Variants in DCDC1 observed in about 807,000 individuals in gnomAD.
DCDC1 encodes the protein doublecortin domain containing 1.
Under a neutral mutation model 178.3 loss-of-function variants are expected in DCDC1, and 200 were observed. The observed-to-expected ratio is 1.12, with a 90% CI of 1.00 to 1.26. DCDC1 has a LOEUF of 1.26. DCDC1 is among the 50% of genes most tolerant of loss of function. The probability of loss-of-function intolerance (pLI) is 0.00; values close to 1 mark genes in which losing one functional copy is unlikely to be tolerated. For missense variants in DCDC1, 1,983 were observed against 1,749.2 expected (o/e 1.13, Z -2.38); for synonymous variants, 690 against 604.8 (o/e 1.14, Z -2.07).
At chr11:31,138,780 T>A (rs947315626) in intron 9 of DCDC1, among the ~76,000 whole-genome samples, 4 of 152,200 alleles carry the variant, frequency 2.6e-5, no homozygotes, top group Admixed American at 2.0e-4. Flanking sequence ...ATATTTGGCA[T>A]AAAATAGAGG....
rs770563379 is a variant in DCDC1, at chr11:31,102,274, A to C, written c.1886T>G (p.Val629Gly). 1 of 702,858 alleles carries C rather than the reference A, an allele frequency of 1.4e-6. No homozygotes were observed. The highest frequency in any genetic ancestry group is 2.6e-6 in the Non-Finnish European group (1 of 379,050). 43.5% of individuals were successfully genotyped at this position (702,858 alleles called of 1,614,324 possible). A position where few individuals can be genotyped will look rare whatever the true frequency, so the allele number is the denominator to read the frequency against. ...GAAATTAATTGGAAATCCCTCACAA[A>C]CTTCCCAACTAAGAAAAGTAAAATA... Reference protein sequence around the residue: ...VLLPGCGNWEVCEGFPINFNC... With the variant: ...VLLPGCGNWEGCEGFPINFNC... Residue 629 changes from valine (V) to glycine (G), a missense_variant, in exon 15 of 39, where the codon GTT becomes GGT. By Grantham distance (109) the Val-to-Gly change is moderately radical (BLOSUM62 -3). Coordinates refer to ENST00000684477, the MANE Select transcript of DCDC1 (RefSeq NM_001387274.1).
At chr11:31,123,474 G>T (rs1961108417) in intron 11 of DCDC1, among the ~76,000 whole-genome samples, 1 of 151,816 alleles carries the variant, frequency 6.6e-6, no homozygotes, top group African/African-American at 2.4e-5. Context: ...GTGCCTCCAA[G>T]CTGGTAGAAG....
chr11:31,047,200 T>C (rs1954897268), intron 20 of DCDC1, among the ~76,000 whole-genome samples: 1 of 152,186 alleles, frequency 6.6e-6, no homozygotes, highest in Non-Finnish European at 1.5e-5. Context: ...ATTGGAAACC[T>C]CTTAAAGTCC....
At chr11:30,960,706 T>C (rs751629716) in intron 20 of DCDC1, among the ~76,000 whole-genome samples, 3 of 152,116 alleles carry the variant, frequency 2.0e-5, no homozygotes, top group African/African-American at 4.8e-5. Context: ...TCTTGAACAA[T>C]TGGTATTTCT....
intron 6 of DCDC1, among the ~76,000 whole-genome samples, chr11:31,291,747 TGA>T (rs989918820): frequency 2.0e-5 from 3 of 152,132 alleles, no homozygotes; most frequent in Non-Finnish European, 2.9e-5. Context: ...TTATTTGTTC[TGA>T]GAGAAACATA....
At chr11:31,226,321 G>A (rs1187797587) in intron 9 of DCDC1, among the ~76,000 whole-genome samples, 5 of 151,916 alleles carry the variant, frequency 3.3e-5, no homozygotes, top group Non-Finnish European at 7.4e-5. Flanking sequence ...CTAATATTGT[G>A]TAACTAGAGT....
intron 9 of DCDC1, among the ~76,000 whole-genome samples, chr11:31,144,289 C>T (rs1175984102): frequency 6.6e-6 from 1 of 152,036 alleles, no homozygotes; most frequent in Admixed American, 6.6e-5. Context: ...CGCGTGCCAC[C>T]ACGCCTGGCT....
Position 30,922,755 on chromosome 11 carries a change from T to A in DCDC1, c.2998-117A>T, listed in dbSNP as rs181324702. 306 of 1,039,244 alleles carry A rather than the reference T, an allele frequency of 2.9e-4. 1 individual carries two copies. In the African/African-American group the frequency reaches 4.2e-3, roughly 14 times the overall value. The allele number at this position is 1,039,244 out of a possible 1,614,324, so 64.4% of individuals were successfully genotyped here. ...ATGTCCTATTAATATAATAGGTGAA[T>A]GATTAAAGAAAACTGTGTACCACTC... On this transcript the variant is annotated intron_variant, in intron 23 of 38. Transcript: ENST00000684477.
intron 7 of DCDC1, among the ~76,000 whole-genome samples, chr11:31,273,044 A>G (rs960580981): frequency 1.7e-4 from 26 of 152,272 alleles, no homozygotes; most frequent in African/African-American, 6.3e-4. Context: ...CTAGACTGCA[A>G]TGTAGTATGG....
rs186872658 is a variant in DCDC1, at chr11:31,273,574, T to G, written c.961-7974A>C. 2.1e-3 allele frequency among the ~76,000 whole-genome samples: 321 copies of G among 152,318 alleles called. 4 individuals are homozygous for G. Among genetic ancestry groups the G allele is most frequent in the Admixed American group, 0.02 (301 of 15,294 alleles). On this transcript the variant is annotated intron_variant, in intron 7 of 38. Coordinates refer to ENST00000684477, the MANE Select transcript of DCDC1 (RefSeq NM_001387274.1). Reference sequence around the variant, plus strand: ...AGTATCAGCATTTTGGTCAAAGCCATTCAACAAGTCTCTAGGGAGCTCCAA... The same window carrying G: ...AGTATCAGCATTTTGGTCAAAGCCAGTCAACAAGTCTCTAGGGAGCTCCAA...
At chr11:31,238,988 G>A (rs1469906054) in intron 9 of DCDC1, among the ~76,000 whole-genome samples, 1 of 151,938 alleles carries the variant, frequency 6.6e-6, no homozygotes, top group African/African-American at 2.4e-5. Context: ...TTCTTTTAAA[G>A]CTATATTATC....
At chr11:30,984,801 T>C (rs1950560216) in intron 20 of DCDC1, among the ~76,000 whole-genome samples, 1 of 152,080 alleles carries the variant, frequency 6.6e-6, no homozygotes, top group Non-Finnish European at 1.5e-5. Context: ...AATTGGCACC[T>C]CCCAAATGAC....
At position 30,894,286 on chromosome 11, in the gene DCDC1, G is replaced by T; in HGVS notation, c.4864C>A (p.Gln1622Lys). Reference protein sequence around the residue: ...VEGGWTEQTQQEIKLMELIRH... With the variant: ...VEGGWTEQTQKEIKLMELIRH... ...ATAAGTTCCATGAGTTTAATTTCCT[G>T]TTGAGTCTGTTCGGTCCAGCCTCCT... Residue 1622 changes from glutamine (Q) to lysine (K), a missense_variant, in exon 35 of 39, where the codon CAG (glutamine) becomes AAG (lysine). Physicochemically the swap from Gln to Lys is moderately conservative, Grantham distance 53. Coordinates refer to ENST00000684477, the MANE Select transcript of DCDC1 (RefSeq NM_001387274.1). The T allele has an allele frequency of 6.2e-7, 1 of 1,613,758 alleles. No homozygotes were observed. The highest frequency in any genetic ancestry group is 8.5e-7 in the Non-Finnish European group (1 of 1,179,776).
intron 26 of DCDC1, 104 bp downstream of exon 26, chr11:30,916,766 C>G: frequency 8.2e-7 from 1 of 1,215,522 alleles, no homozygotes; most frequent in Non-Finnish European, 1.1e-6. Context: ...TTGATAGAAA[C>G]AGCAGCTAAC....
chr11:30,947,109 AAAT>A (rs1948099964), intron 21 of DCDC1, among the ~76,000 whole-genome samples: 1 of 152,234 alleles, frequency 6.6e-6, no homozygotes. Flanking sequence ...CTTGGAGTTT[AAAT>A]AATATTAGAC....
chr11:31,305,561 C>A, intron 6 of DCDC1, 54 bp downstream of exon 6: 1 of 1,553,634 alleles, frequency 6.4e-7, no homozygotes, highest in African/African-American at 1.4e-5. Context: ...TTAATTGCAC[C>A]CCTTAAGCAA....
chr11:30,884,384 A>G (rs1942984048), intron 36 of DCDC1, among the ~76,000 whole-genome samples: 2 of 152,012 alleles, frequency 1.3e-5, no homozygotes, highest in South Asian at 4.2e-4. Context: ...TTTTTTTGTT[A>G]CGAATTTTTT....
chr11:30,897,079 A>G lies in DCDC1; in HGVS notation c.4765+2462T>C, dbSNP rs552467312. ...TTATCCTCATAATCTCACCAGCTAG[A>G]AAAAGGCCTTCATGAGGGTAAATGT... On this transcript the variant is annotated intron_variant, in intron 34 of 38. Transcript: ENST00000684477. Among the ~76,000 whole-genome samples, 3 of 152,308 alleles carry G rather than the reference A, an allele frequency of 2.0e-5. No homozygotes were observed. In the East Asian group the frequency reaches 5.8e-4, roughly 29 times the overall value.
In DCDC1 at chr11:31,268,383, G is replaced by A. The variant is rs140609172; in HGVS notation, c.961-2783C>T. Among the ~76,000 whole-genome samples the A allele has an allele frequency of 2.3e-3, 343 of 152,116 alleles. 2 individuals carry two copies. Among genetic ancestry groups the A allele is most frequent in the African/African-American group, 7.5e-3 (310 of 41,492 alleles). ...AAAAATCAGTCCCTCCTTCCCTCCC[G>A]CTGTAGGAGTTCACAGTGTCTGCTG... is the stretch of plus-strand genomic sequence containing the variant. On this transcript the variant is annotated intron_variant, in intron 7 of 38. Transcript: ENST00000684477.
Sources: allele counts gnomAD v4.1 joint callset (sites outside exome capture counted in the v4.1 genomes callset), GRCh38; gene constraint gnomAD v4.1.1; transcripts MANE v1.5; gene names NCBI Gene and HGNC (gene_info 2026-07-23, HGNC 2026-07-21).